UBR2: variants seen among roughly 807,000 people sequenced by gnomAD.
UBR2 encodes the protein ubiquitin protein ligase E3 component n-recognin 2, also known as E3 ubiquitin-protein ligase UBR2.
Under a neutral mutation model 247.9 loss-of-function variants are expected in UBR2, and 92 were observed. The observed-to-expected ratio is 0.37, with a 90% CI of 0.31 to 0.44. The LOEUF is 0.44. Among genes scored for constraint, UBR2 ranks in the 20% least tolerant of loss-of-function variants. The probability of loss-of-function intolerance (pLI) is 1.00; values close to 1 mark genes in which losing one functional copy is unlikely to be tolerated. For missense variants in UBR2, 1,613 were observed against 2,112.6 expected (o/e 0.76, Z 4.64); for synonymous variants, 672 against 693.5 (o/e 0.97, Z 0.49).
At chr6:42,603,534 A>G in intron 4 of UBR2, 54 bp from the exon 5 acceptor site, 3 of 1,442,008 alleles carry the variant, frequency 2.1e-6, no homozygotes, top group Non-Finnish European at 2.7e-6. Context: ...ATGAAAATTA[A>G]TGTACATGAT....
At chr6:42,580,405 A>T (rs1582441559) in intron 2 of UBR2, among the ~76,000 whole-genome samples, 1 of 152,368 alleles carries the variant, frequency 6.6e-6, no homozygotes, top group East Asian at 1.9e-4. Flanking sequence ...TAATAGAACC[A>T]TAAAGGCTTT....
chr6:42,691,442 G>C lies in UBR2; in HGVS notation c.*269G>C. ...CTAGATTGGATCCCAGCCCCTTTGT[G>C]GGGGTCTGACTGCATAGTCCCAGCC... On this transcript the variant is annotated 3_prime_UTR_variant, in exon 47 of 47. Transcript: ENST00000372901. 2.2e-6 allele frequency: 1 copy of C among 452,538 alleles called. No homozygotes were observed. The highest frequency in any genetic ancestry group is 4.0e-6 in the Non-Finnish European group (1 of 250,478). The allele number at this position is 452,538 out of a possible 1,614,324, so 28.0% of individuals were successfully genotyped here.
intron 11 of UBR2, among the ~76,000 whole-genome samples, chr6:42,628,591 C>T (rs1795500906): frequency 6.6e-6 from 1 of 151,980 alleles, no homozygotes; most frequent in Non-Finnish European, 1.5e-5. Context: ...GGCATGGTGG[C>T]AGGTGCTGGT....
intron 36 of UBR2, among the ~76,000 whole-genome samples, chr6:42,670,979 A>G (rs534110443): frequency 4.9e-4 from 75 of 152,304 alleles, no homozygotes; most frequent in African/African-American, 1.7e-3. Flanking sequence ...TGAGGTCGGG[A>G]GTTTAAGACC....
At chr6:42,635,148 G>C (rs1796008550) in intron 13 of UBR2, among the ~76,000 whole-genome samples, 1 of 152,090 alleles carries the variant, frequency 6.6e-6, no homozygotes, top group Admixed American at 6.5e-5. Flanking sequence ...GTGAAATATT[G>C]AAGTATTTTA....
At chr6:42,632,509 A>G (rs956348932) in intron 11 of UBR2, 43 bp from the exon 12 acceptor site, 5 of 1,518,618 alleles carry the variant, frequency 3.3e-6, no homozygotes, top group African/African-American at 2.8e-5. Flanking sequence ...TTCCTAGTAC[A>G]TAGTTTTTGA....
At chr6:42,625,338 A>G (rs193033574) in intron 11 of UBR2, among the ~76,000 whole-genome samples, 3 of 152,170 alleles carry the variant, frequency 2.0e-5, no homozygotes, top group Admixed American at 2.0e-4. Flanking sequence ...ATGACACCTA[A>G]TATTTGTCTT....
At chr6:42,628,296 TTAA>T (rs1380813606) in intron 11 of UBR2, among the ~76,000 whole-genome samples, 4 of 152,160 alleles carry the variant, frequency 2.6e-5, no homozygotes, top group Non-Finnish European at 5.9e-5. Flanking sequence ...CAAAACTCTG[TTAA>T]TAATTATTAT....
chr6:42,623,088 A>G (rs187122013), intron 11 of UBR2, among the ~76,000 whole-genome samples: 283 of 152,262 alleles, frequency 1.9e-3, no homozygotes, highest in South Asian at 6.4e-3. Context: ...TCTTTATTAT[A>G]CTGGCTGGGA....
rs35416750 is a variant in UBR2, at chr6:42,658,826, TAAAA to T, written c.3242+19_3242+22del. ...AACCTCTGCTGTTCTTGATCATAGG[TAAAA>T]AAAAAAAAAAAAAAAATTAATGTCT... is the stretch of plus-strand genomic sequence containing the variant. On this transcript the variant is annotated splice_donor_5th_base_variant and intron_variant, in intron 29 of 46. Transcript: ENST00000372901. 1.6e-3 allele frequency: 2,138 copies of T among 1,302,976 alleles called. No homozygotes were observed. Among genetic ancestry groups the T allele is most frequent in the South Asian group, 6.9e-3 (366 of 52,664 alleles). 80.7% of individuals were successfully genotyped at this position (1,302,976 alleles called of 1,614,324 possible).
At chr6:42,615,887 G>C in intron 9 of UBR2, 115 bp from the exon 10 acceptor site, 1 of 746,092 alleles carries the variant, frequency 1.3e-6, no homozygotes, top group Non-Finnish European at 2.1e-6. Flanking sequence ...GCAAGACACT[G>C]TCTCAAAAGT....
At chr6:42,583,965 A>G (rs1484893201) in intron 2 of UBR2, among the ~76,000 whole-genome samples, 1 of 148,870 alleles carries the variant, frequency 6.7e-6, no homozygotes, top group East Asian at 2.0e-4. Flanking sequence ...TAGTTGTTCC[A>G]GCATCATTTC....
At chr6:42,606,325 G>A (rs1793696771) in intron 6 of UBR2, among the ~76,000 whole-genome samples, 1 of 152,030 alleles carries the variant, frequency 6.6e-6, no homozygotes, top group South Asian at 2.1e-4. Flanking sequence ...GAAAGTTTAA[G>A]AGAACATATA....
intron 7 of UBR2, among the ~76,000 whole-genome samples, chr6:42,610,166 A>G (rs1793979452): frequency 6.6e-6 from 1 of 152,158 alleles, no homozygotes; most frequent in East Asian, 1.9e-4. Context: ...ACATAGCAAG[A>G]CTCCGTCTCT....
At chr6:42,615,249 C>A in intron 9 of UBR2, 71 bp downstream of exon 9, 1 of 1,192,736 alleles carries the variant, frequency 8.4e-7, no homozygotes, top group Non-Finnish European at 1.2e-6. Flanking sequence ...AGGTTTTTAT[C>A]ATTTGGGAAG....
chr6:42,667,335 CAAA>C (rs752155076), intron 34 of UBR2, among the ~76,000 whole-genome samples: 6 of 132,740 alleles, frequency 4.5e-5, no homozygotes, highest in Admixed American at 1.5e-4. Context: ...GACCCTATCT[CAAA>C]AAAAAAAAAA....
chr6:42,656,084 A>G (rs1436182585), intron 26 of UBR2, among the ~76,000 whole-genome samples: 1 of 152,212 alleles, frequency 6.6e-6, no homozygotes, highest in East Asian at 1.9e-4. Flanking sequence ...TTTCATACAT[A>G]TAGACAAGTT....
chr6:42,650,262 T>G (rs1797037439), intron 22 of UBR2, 22 bp from the exon 23 acceptor site: 10 of 1,584,374 alleles, frequency 6.3e-6, no homozygotes, highest in Non-Finnish European at 7.8e-6. Flanking sequence ...GTAATAATAT[T>G]CTAAGGTCCT....
intron 2 of UBR2, among the ~76,000 whole-genome samples, chr6:42,590,413 G>A (rs1792581596): frequency 6.6e-6 from 1 of 152,072 alleles, no homozygotes; most frequent in Admixed American, 6.5e-5. Context: ...TTATATGAAA[G>A]CAAAAAGACT....
Sources: allele counts gnomAD v4.1 joint callset (sites outside exome capture counted in the v4.1 genomes callset), GRCh38; gene constraint gnomAD v4.1.1; transcripts MANE v1.5; gene names NCBI Gene and HGNC (gene_info 2026-07-23, HGNC 2026-07-21).